Variants in ATP10B observed in about 807,000 individuals in gnomAD.
ATP10B encodes ATPase phospholipid transporting 10B (putative), also known as phospholipid-transporting ATPase VB.
In ATP10B, 122 loss-of-function variants were observed where a neutral mutation model predicts 141.2. The ratio of observed to expected loss-of-function variants is 0.86; its 90% CI spans 0.75 to 1.00. The LOEUF is 1.00. Ranked by LOEUF, ATP10B falls within the 50% of genes least tolerant of loss-of-function variation. The probability of loss-of-function intolerance (pLI) is 0.00; values close to 1 mark genes in which losing one functional copy is unlikely to be tolerated. For synonymous variants in ATP10B, 685 were observed against 692.0 expected (o/e 0.99, Z 0.16); for missense variants, 1,876 against 1,825.3 (o/e 1.03, Z -0.51).
chr5:160,638,111 C>T (rs1334616902), intron 10 of ATP10B, among the ~76,000 whole-genome samples: 2 of 152,154 alleles, frequency 1.3e-5, no homozygotes, highest in Non-Finnish European at 1.5e-5. Flanking sequence ...TCAAAGTAAA[C>T]ATGTGGTCAA....
At chr5:160,909,265 G>A in the ATP10B span, among the ~76,000 whole-genome samples, 1 of 152,112 alleles carries the variant, frequency 6.6e-6, no homozygotes, top group Non-Finnish European at 1.5e-5. Flanking sequence ...CGTGATGGAA[G>A]GTAAGACACA....
intron 19 of ATP10B, among the ~76,000 whole-genome samples, chr5:160,605,416 G>A (rs1285236654): frequency 6.6e-6 from 1 of 152,194 alleles, no homozygotes; most frequent in Non-Finnish European, 1.5e-5. Context: ...TGAGCCAGGA[G>A]AAGTAGAGGT....
the ATP10B span, among the ~76,000 whole-genome samples, chr5:160,873,739 G>A: frequency 6.6e-6 from 1 of 152,248 alleles, no homozygotes; most frequent in East Asian, 1.9e-4. Flanking sequence ...AAGGGGTCAG[G>A]GAGGTCCCTT....
the ATP10B span, among the ~76,000 whole-genome samples, chr5:160,913,438 C>A: frequency 1.3e-5 from 2 of 152,174 alleles, no homozygotes; most frequent in East Asian, 3.8e-4. Context: ...TATGGGACTG[C>A]AGTCTCATAA....
chr5:160,740,972 TC>T (rs969290621), intron 2 of ATP10B, among the ~76,000 whole-genome samples: 24 of 152,288 alleles, frequency 1.6e-4, no homozygotes, highest in African/African-American at 5.5e-4. Context: ...AGAAATGGCC[TC>T]CCCAATCCTT....
chr5:160,843,128 C>T (rs888761434), intron 1 of ATP10B, among the ~76,000 whole-genome samples: 1 of 152,088 alleles, frequency 6.6e-6, no homozygotes, highest in Non-Finnish European at 1.5e-5. Flanking sequence ...AGGTGGCATA[C>T]ATTCCAGGAA....
intron 19 of ATP10B, among the ~76,000 whole-genome samples, chr5:160,604,309 G>T (rs1757259280): frequency 6.6e-6 from 1 of 152,092 alleles, no homozygotes; most frequent in Admixed American, 6.6e-5. Context: ...GGGATATAAT[G>T]GTAATCAAGA....
At chr5:160,850,485 C>T (rs968800626) in intron 1 of ATP10B, among the ~76,000 whole-genome samples, 3 of 152,046 alleles carry the variant, frequency 2.0e-5, no homozygotes, top group African/African-American at 7.2e-5. Context: ...GCCTTGGACT[C>T]TGGTGTCCTT....
At chr5:160,739,722 C>A (rs1405386203) in intron 2 of ATP10B, among the ~76,000 whole-genome samples, 1 of 152,144 alleles carries the variant, frequency 6.6e-6, no homozygotes, top group Non-Finnish European at 1.5e-5. Context: ...GAATCTAGCC[C>A]CACTGAAAGG....
chr5:160,869,285 T>C, the ATP10B span, among the ~76,000 whole-genome samples: 4 of 152,112 alleles, frequency 2.6e-5, no homozygotes, highest in Non-Finnish European at 5.9e-5. Flanking sequence ...TTTCATTTTT[T>C]CCCATCAGAA....
At chr5:160,725,929 G>A (rs961729089) in intron 2 of ATP10B, among the ~76,000 whole-genome samples, 1 of 152,102 alleles carries the variant, frequency 6.6e-6, no homozygotes, top group Non-Finnish European at 1.5e-5. Flanking sequence ...TTATAATTCT[G>A]TAGAGAGAAG....
At chr5:160,747,448 C>A (rs771154438) in intron 2 of ATP10B, among the ~76,000 whole-genome samples, 8 of 152,196 alleles carry the variant, frequency 5.3e-5, no homozygotes, top group Non-Finnish European at 1.2e-4. Context: ...GAAATAGGGA[C>A]TTTGCAGATG....
chr5:160,774,072 TGCA>T (rs969018027), intron 2 of ATP10B, among the ~76,000 whole-genome samples: 25 of 152,186 alleles, frequency 1.6e-4, no homozygotes, highest in African/African-American at 5.8e-4. Context: ...GGTAGGAAAA[TGCA>T]GCAGTTTTTC....
chr5:160,904,268 C>T, the ATP10B span, among the ~76,000 whole-genome samples: 9 of 152,192 alleles, frequency 5.9e-5, no homozygotes, highest in African/African-American at 2.2e-4. Context: ...AGGGTTTCCA[C>T]TTCCTAGCTA....
chr5:160,814,893 T>C (rs998758875), intron 1 of ATP10B, among the ~76,000 whole-genome samples: 3 of 152,266 alleles, frequency 2.0e-5, no homozygotes, highest in African/African-American at 4.8e-5. Flanking sequence ...CTAAGCTTCA[T>C]AAATGAAGGA....
intron 9 of ATP10B, 131 bp from the exon 10 acceptor site, chr5:160,640,723 C>G: frequency 1.6e-6 from 2 of 1,261,760 alleles, no homozygotes; most frequent in Non-Finnish European, 2.2e-6. Context: ...CTTGCCCCGC[C>G]TCAGAAGGTT....
chr5:160,833,283 A>C (rs1183787540), intron 1 of ATP10B, among the ~76,000 whole-genome samples: 1 of 152,208 alleles, frequency 6.6e-6, no homozygotes, highest in Non-Finnish European at 1.5e-5. Flanking sequence ...GGAATCTTGA[A>C]ACTATCACTA....
At chr5:160,862,529 G>A in the ATP10B span, among the ~76,000 whole-genome samples, 1 of 151,946 alleles carries the variant, frequency 6.6e-6, no homozygotes, top group African/African-American at 2.4e-5. Flanking sequence ...ACCCTGTGGG[G>A]TCCTCAGCCC....
At chr5:160,720,203 T>C (rs1765909464) in intron 2 of ATP10B, among the ~76,000 whole-genome samples, 1 of 152,196 alleles carries the variant, frequency 6.6e-6, no homozygotes, top group Non-Finnish European at 1.5e-5. Context: ...ATTATGCTTA[T>C]GGCAACTCTT....
Sources: allele counts gnomAD v4.1 joint callset (sites outside exome capture counted in the v4.1 genomes callset), GRCh38; gene constraint gnomAD v4.1.1; transcripts MANE v1.5; gene names NCBI Gene and HGNC (gene_info 2026-07-23, HGNC 2026-07-21).